Variants in ABCE1 observed in about 807,000 individuals in gnomAD.
ABCE1 encodes ATP binding cassette subfamily E member 1, also known as ATP-binding cassette sub-family E member 1.
ABCE1 carries 22 observed loss-of-function variants against 83.4 expected under a neutral mutation model. The observed-to-expected ratio is 0.26, with a 90% CI of 0.19 to 0.38. ABCE1 has a LOEUF of 0.38. Among genes scored for constraint, ABCE1 ranks in the 10% least tolerant of loss-of-function variants. The pLI, the probability that ABCE1 is intolerant of heterozygous loss-of-function variation, is 1.00. For synonymous variants in ABCE1, 204 were observed against 233.7 expected (o/e 0.87, Z 1.16); for missense variants, 330 against 721.9 (o/e 0.46, Z 6.22).
At chr4:145,105,567 C>A (rs1749279155) in intron 2 of ABCE1, 38 bp from the exon 3 acceptor site, 2 of 1,430,478 alleles carry the variant, frequency 1.4e-6, no homozygotes, top group Admixed American at 1.8e-5. Flanking sequence ...ATTAGAAGAT[C>A]AAAGGAAATG....
At chr4:145,109,748 T>C (rs1414998628) in intron 5 of ABCE1, among the ~76,000 whole-genome samples, 1 of 152,214 alleles carries the variant, frequency 6.6e-6, no homozygotes, top group Non-Finnish European at 1.5e-5. Context: ...TATTTTGCTT[T>C]TCATTTCTGA....
rs562716129 is a variant in ABCE1 at position 145,101,099 on chromosome 4, T to A, written c.-28+2680T>A. Among the ~76,000 whole-genome samples, 12 of 152,160 alleles carry A rather than the reference T, an allele frequency of 7.9e-5. No homozygotes were observed. In the South Asian group the frequency reaches 1.5e-3, roughly 18 times the overall value. On this transcript the variant is annotated intron_variant, in intron 1 of 17. Coordinates refer to ENST00000296577, the MANE Select transcript of ABCE1 (RefSeq NM_002940.3). ...ATATATATATGGAATATATAGTATG[T>A]CATATAGTTGAGCTAGGGAGAAAAA...
Position 145,120,146 on chromosome 4 carries a change from G to C in ABCE1, c.1137G>C (p.Gly379=). ...ATTCTGAAATTATGGTGATGCTGGG[G>C]GAAAATGGTAAGTTTTCTGTTTTGT... The part of the protein sequence containing the change: ...FTDSEIMVML[G]ENGTGKTTFI... Residue 379 remains glycine, a synonymous_variant, in exon 11 of 18, where the codon GGG becomes GGC. Coordinates refer to ENST00000296577, the MANE Select transcript of ABCE1 (RefSeq NM_002940.3). 6.2e-7 allele frequency: 1 copy of C among 1,600,526 alleles called. No homozygotes were observed. The highest frequency in any genetic ancestry group is 8.5e-7 in the Non-Finnish European group (1 of 1,176,134).
In ABCE1 at chr4:145,117,500, A is replaced by C. The variant is rs1749636287; in HGVS notation, c.922+86A>C. 5 of 1,338,518 alleles carry C rather than the reference A, an allele frequency of 3.7e-6. No homozygotes were observed. The Admixed American group carries it at 1.1e-4, about 28-fold the overall frequency. 82.9% of individuals were successfully genotyped at this position (1,338,518 alleles called of 1,614,324 possible). On this transcript the variant is annotated intron_variant, in intron 10 of 17. Transcript: ENST00000296577. The stretch of plus-strand genomic sequence containing the variant: ...TACATTATTGATATTAAGTAGTTTT[A>C]CATTGGTCTGATATCATCCAAAACT...
intron 13 of ABCE1, chr4:145,122,468 CT>C (rs1343960355): frequency 1.3e-5 from 2 of 151,820 alleles, no homozygotes; most frequent in Non-Finnish European, 2.9e-5. Context: ...TCATTATTTG[CT>C]TATTACTTTC....
rs1338047932 is a variant in ABCE1, at chr4:145,110,218, AC to A, written c.523del (p.Gln175ArgfsTer32). ...GCCATCATCAAACCTCAATATGTAG[AC>A]CAGATTCCTAAGGCTGCAAAGGTCG... ...LKAIIKPQYV[D>X]QIPKAAKGTV... On this transcript the variant is annotated frameshift_variant, in exon 6 of 18. Transcript: ENST00000296577. LOFTEE classifies it high-confidence loss of function. 6.2e-7 allele frequency: 1 copy of A among 1,602,038 alleles called. No homozygotes were observed. Among genetic ancestry groups the A allele is most frequent in the Admixed American group, 1.8e-5 (1 of 56,900 alleles).
At chr4:145,115,776 A>G (rs1033971206) in intron 9 of ABCE1, among the ~76,000 whole-genome samples, 5 of 151,964 alleles carry the variant, frequency 3.3e-5, no homozygotes, top group Non-Finnish European at 7.4e-5. Flanking sequence ...TTCAGAACCT[A>G]CTACTATCTT....
At chr4:145,100,851 TATATTTAAATTC>T (rs1370913790) in intron 1 of ABCE1, among the ~76,000 whole-genome samples, 1 of 152,230 alleles carries the variant, frequency 6.6e-6, no homozygotes, top group East Asian at 1.9e-4. Context: ...AATTATTTAC[TATATTTAAATTC>T]ATATTCTCAT....
intron 13 of ABCE1, chr4:145,122,757 G>A (rs1749777967): frequency 7.2e-6 from 2 of 277,836 alleles, no homozygotes; most frequent in South Asian, 7.3e-5. Flanking sequence ...GCTGCAGTGA[G>A]CCCTGATCAT....
At chr4:145,125,161 G>C in intron 17 of ABCE1, 60 bp downstream of exon 17, 1 of 1,262,452 alleles carries the variant, frequency 7.9e-7, no homozygotes, top group Non-Finnish European at 1.1e-6. Context: ...CACTTGAAAG[G>C]CTATTTAAAA....
intron 8 of ABCE1, 94 bp from the exon 9 acceptor site, chr4:145,112,145 A>G: frequency 1.2e-6 from 1 of 829,412 alleles, no homozygotes; most frequent in Non-Finnish European, 1.8e-6. Flanking sequence ...GTTAACTCAA[A>G]AGCTCTTGAT....
At chr4:145,126,835 T>C (rs145051393) in intron 17 of ABCE1, among the ~76,000 whole-genome samples, 75 of 152,320 alleles carry the variant, frequency 4.9e-4, no homozygotes, top group African/African-American at 1.8e-3. Context: ...TGGATGCCTT[T>C]TTTCTGATTG....
At chr4:145,126,504 C>T (rs1048878037) in intron 17 of ABCE1, among the ~76,000 whole-genome samples, 1 of 152,080 alleles carries the variant, frequency 6.6e-6, no homozygotes, top group Non-Finnish European at 1.5e-5. Context: ...ACCATCTTGC[C>T]CGTGCTAGTC....
chr4:145,121,588 C>A, intron 13 of ABCE1, 197 bp downstream of exon 13: 1 of 507,834 alleles, frequency 2.0e-6, no homozygotes, highest in South Asian at 2.4e-5. Flanking sequence ...TATTTGTCAT[C>A]TTTGGCCGGG....
intron 16 of ABCE1, 60 bp downstream of exon 16, chr4:145,123,660 A>ATT: frequency 6.8e-7 from 1 of 1,471,134 alleles, no homozygotes. Flanking sequence ...GTAAATAGTA[A>ATT]AGTCACTCAC....
intron 14 of ABCE1, 23 bp downstream of exon 14, chr4:145,123,154 A>AT: frequency 6.3e-7 from 1 of 1,578,734 alleles, no homozygotes; most frequent in East Asian, 2.3e-5. Context: ...AATTTTTTTT[A>AT]TTTTTTTATT....
intron 1 of ABCE1, among the ~76,000 whole-genome samples, chr4:145,100,096 C>T (rs1401348784): frequency 1.3e-5 from 2 of 152,156 alleles, no homozygotes; most frequent in Non-Finnish European, 2.9e-5. Flanking sequence ...ATTAACAGTT[C>T]TACAAAGAAT....
chr4:145,116,880 A>G (rs1257149981), intron 9 of ABCE1, among the ~76,000 whole-genome samples: 1 of 151,918 alleles, frequency 6.6e-6, no homozygotes, highest in Non-Finnish European at 1.5e-5. Context: ...CAGGTTAAGG[A>G]TTCTGTCCTA....
At chr4:145,115,538 T>A (rs759942655) in intron 9 of ABCE1, among the ~76,000 whole-genome samples, 5 of 151,980 alleles carry the variant, frequency 3.3e-5, no homozygotes, top group Non-Finnish European at 5.9e-5. Context: ...TTTCCATTGT[T>A]ACTTTTTTTT....
Sources: allele counts gnomAD v4.1 joint callset (sites outside exome capture counted in the v4.1 genomes callset), GRCh38; gene constraint gnomAD v4.1.1; transcripts MANE v1.5; gene names NCBI Gene and HGNC (gene_info 2026-07-23, HGNC 2026-07-21).